Variants in GLIS3 observed in about 807,000 individuals in gnomAD.
GLIS3 encodes GLIS family zinc finger 3.
GLIS3 carries 53 observed loss-of-function variants against 78.6 expected under a neutral mutation model. That is an observed-to-expected ratio of 0.67 (90% CI 0.54 to 0.85). GLIS3 has a LOEUF of 0.85. Ranked by LOEUF, GLIS3 falls within the 40% of genes least tolerant of loss-of-function variation. GLIS3 has a pLI of 0.00. For synonymous variants in GLIS3, 684 were observed against 509.9 expected, an observed-to-expected ratio of 1.34 and a Z score of -4.60; for missense variants, 1,703 against 1,231.1, an observed-to-expected ratio of 1.38 and a Z score of -5.74.
chr9:4,363,071 A>C, the GLIS3 span, among the ~76,000 whole-genome samples: 4 of 152,212 alleles, frequency 2.6e-5, no homozygotes, highest in Admixed American at 2.6e-4. Flanking sequence ...CATTAGGCCC[A>C]AGAGACAGCT....
intron 4 of GLIS3, among the ~76,000 whole-genome samples, chr9:4,065,238 C>T (rs533440475): frequency 3.9e-5 from 6 of 152,266 alleles, no homozygotes; most frequent in Non-Finnish European, 7.4e-5. Context: ...AACTCACAGC[C>T]ACCCTCCACA....
chr9:3,850,998 C>T (rs1304044383), intron 9 of GLIS3, among the ~76,000 whole-genome samples: 1 of 152,196 alleles, frequency 6.6e-6, no homozygotes, highest in Non-Finnish European at 1.5e-5. Flanking sequence ...TTGCATATGT[C>T]ACAGTGCGTT....
At chr9:4,066,861 G>C (rs995808194) in intron 4 of GLIS3, among the ~76,000 whole-genome samples, 5 of 152,116 alleles carry the variant, frequency 3.3e-5, no homozygotes, top group African/African-American at 1.2e-4. Context: ...CACTTACGGT[G>C]CAACAAGTTT....
At chr9:3,914,458 C>T (rs905583777) in intron 6 of GLIS3, among the ~76,000 whole-genome samples, 5 of 151,988 alleles carry the variant, frequency 3.3e-5, no homozygotes, top group Non-Finnish European at 5.9e-5. Context: ...TGAGCCTCTG[C>T]GCCCAGCCAA....
Position 3,864,622 on chromosome 9 carries a change from C to T in GLIS3, c.2298-8438G>A, listed in dbSNP as rs563735558. Among the ~76,000 whole-genome samples the T allele has an allele frequency of 1.3e-4, 20 of 152,292 alleles. No individual in the cohort carries two copies. In the South Asian group the frequency reaches 2.3e-3, roughly 17 times the overall value. ...ATTTGAAAAGAAACTGGCCGGGTGACGCTTCAGTCATTAATAACATGTGCT... is the reference window on the plus strand; with the variant it reads ...ATTTGAAAAGAAACTGGCCGGGTGATGCTTCAGTCATTAATAACATGTGCT... On this transcript the variant is annotated intron_variant, in intron 8 of 10. Transcript: ENST00000381971.
chr9:4,330,649 G>GTGAAGGTTGAGATGGAGA (rs1817671572), intron 2 of GLIS3, among the ~76,000 whole-genome samples: 1 of 82,250 alleles, frequency 1.2e-5, no homozygotes, highest in Admixed American at 1.1e-4. Context: ...AGAGGTGGAG[G>GTGAAGGTTGAGATGGAGA]TGAAGGTTGA....
intron 4 of GLIS3, among the ~76,000 whole-genome samples, chr9:4,056,123 C>T (rs537943951): frequency 1.1e-4 from 17 of 152,256 alleles, no homozygotes; most frequent in Admixed American, 3.3e-4. Context: ...TTATATGCAG[C>T]CTAGATATGA....
intron 2 of GLIS3, among the ~76,000 whole-genome samples, chr9:4,216,110 TC>T (rs1217817857): frequency 6.6e-6 from 1 of 152,298 alleles, no homozygotes; most frequent in East Asian, 1.9e-4. Context: ...TTTGACTTTT[TC>T]TTCCATTTAA....
At chr9:4,194,193 G>C (rs1050821148) in intron 2 of GLIS3, among the ~76,000 whole-genome samples, 1 of 152,082 alleles carries the variant, frequency 6.6e-6, no homozygotes, top group Non-Finnish European at 1.5e-5. Context: ...GAGTAGCTGG[G>C]ATTACAGGCC....
At chr9:4,062,115 T>C (rs1826703837) in intron 4 of GLIS3, among the ~76,000 whole-genome samples, 1 of 152,172 alleles carries the variant, frequency 6.6e-6, no homozygotes, top group African/African-American at 2.4e-5. Context: ...ACTAAGTACA[T>C]AGGTTGTGAA....
intron 6 of GLIS3, among the ~76,000 whole-genome samples, chr9:3,930,843 T>C (rs542536596): frequency 3.3e-5 from 5 of 152,210 alleles, no homozygotes; most frequent in Non-Finnish European, 7.3e-5. Context: ...AGTTTGTTTT[T>C]TACAACTATC....
At chr9:4,240,649 A>C (rs1030316409) in intron 2 of GLIS3, among the ~76,000 whole-genome samples, 1 of 152,252 alleles carries the variant, frequency 6.6e-6, no homozygotes, top group African/African-American at 2.4e-5. Flanking sequence ...AAAAAGTTAG[A>C]AGAAATTCAA....
At chr9:4,102,353 A>G (rs1830433881) in intron 4 of GLIS3, among the ~76,000 whole-genome samples, 1 of 152,172 alleles carries the variant, frequency 6.6e-6, no homozygotes, top group Non-Finnish European at 1.5e-5. Flanking sequence ...TTTTAAGCCA[A>G]GTATCTGTGT....
At chr9:4,339,663 G>T (rs887696533) in intron 2 of GLIS3, among the ~76,000 whole-genome samples, 1 of 147,696 alleles carries the variant, frequency 6.8e-6, no homozygotes, top group Non-Finnish European at 1.5e-5. Context: ...AGTTTCCCAA[G>T]CAAGGGTGGA....
rs376505850 is a variant in GLIS3 at position 4,087,550 on chromosome 9, C to T, written c.1710+30218G>A. ...TAGTGCCAGGGAACAGTTTGAAAACCCCATGATATGGAGAAAAGCAAAAAG... is the reference window on the plus strand; with the variant it reads ...TAGTGCCAGGGAACAGTTTGAAAACTCCATGATATGGAGAAAAGCAAAAAG... On this transcript the variant is annotated intron_variant, in intron 4 of 10. Transcript: ENST00000381971. Among the ~76,000 whole-genome samples, 9 of 152,160 alleles carry T rather than the reference C, an allele frequency of 5.9e-5. No individual in the cohort carries two copies. The East Asian group carries it at 1.2e-3, about 20-fold the overall frequency.
chr9:4,478,978 T>G, the GLIS3 span, among the ~76,000 whole-genome samples: 1 of 152,218 alleles, frequency 6.6e-6, no homozygotes, highest in Admixed American at 6.5e-5. Context: ...AAAAATTAAT[T>G]TCCACTATGA....
At chr9:4,427,805 G>A in the GLIS3 span, among the ~76,000 whole-genome samples, 7 of 151,862 alleles carry the variant, frequency 4.6e-5, no homozygotes, top group Non-Finnish European at 8.8e-5. Flanking sequence ...GTTGCAGTGA[G>A]CCAAGATTGT....
the GLIS3 span, among the ~76,000 whole-genome samples, chr9:4,402,019 G>C: frequency 6.6e-6 from 1 of 152,094 alleles, no homozygotes; most frequent in South Asian, 2.1e-4. Flanking sequence ...CCAATCCCTG[G>C]CTCCCAGACA....
At chr9:4,420,794 G>A in the GLIS3 span, among the ~76,000 whole-genome samples, 3 of 152,142 alleles carry the variant, frequency 2.0e-5, no homozygotes, top group Non-Finnish European at 2.9e-5. Flanking sequence ...AACATAGAAA[G>A]ATGGATTGCA....
Sources: allele counts gnomAD v4.1 joint callset (sites outside exome capture counted in the v4.1 genomes callset), GRCh38; gene constraint gnomAD v4.1.1; transcripts MANE v1.5; gene names NCBI Gene and HGNC (gene_info 2026-07-23, HGNC 2026-07-21).